KCNIP4: variants seen among roughly 807,000 people sequenced by gnomAD.
KCNIP4 encodes the protein Kv channel-interacting protein 4.
KCNIP4 carries 12 observed loss-of-function variants against 34.0 expected under a neutral mutation model. The ratio of observed to expected loss-of-function variants is 0.35; its 90% CI spans 0.23 to 0.57. The LOEUF (loss-of-function observed/expected upper bound fraction) is 0.57. Among genes scored for constraint, KCNIP4 ranks in the 20% least tolerant of loss-of-function variants. The probability of loss-of-function intolerance (pLI) is 0.83; values close to 1 mark genes in which losing one functional copy is unlikely to be tolerated. For synonymous variants in KCNIP4, 124 were observed against 102.2 expected, an observed-to-expected ratio of 1.21 and a Z score of -1.29; for missense variants, 238 against 311.7, an observed-to-expected ratio of 0.76 and a Z score of 1.78.
intron 1 of KCNIP4, among the ~76,000 whole-genome samples, chr4:21,739,747 G>C (rs79044278): frequency 6.6e-6 from 1 of 152,050 alleles, no homozygotes; most frequent in African/African-American, 2.4e-5. Context: ...TTGTCAGGTT[G>C]TCTTGAATAG....
chr4:21,175,020 A>C lies in KCNIP4; in HGVS notation c.62-292311T>G, dbSNP rs1445329360. Among the ~76,000 whole-genome samples, 3 of 152,028 alleles carry C rather than the reference A, an allele frequency of 2.0e-5. No individual in the cohort carries two copies. In the East Asian group the frequency reaches 5.8e-4, roughly 29 times the overall value. On this transcript the variant is annotated intron_variant, in intron 1 of 8. Transcript: ENST00000382152. ...TACAGATAAGGACACTGCATTGATG[A>C]GTCCTTAAGTAACTGGTGACCAAGA... is the stretch of plus-strand genomic sequence containing the variant.
chr4:21,288,417 AAG>A (rs1052911805), intron 1 of KCNIP4, among the ~76,000 whole-genome samples: 4 of 152,326 alleles, frequency 2.6e-5, no homozygotes, highest in African/African-American at 4.8e-5. Flanking sequence ...AGAACAAAAA[AAG>A]AGAGAGAAAA....
At chr4:21,842,251 A>T (rs1005597520) in intron 1 of KCNIP4, among the ~76,000 whole-genome samples, 1 of 152,142 alleles carries the variant, frequency 6.6e-6, no homozygotes, top group African/African-American at 2.4e-5. Flanking sequence ...TATGTCTCTG[A>T]CAAGAGGCTC....
intron 1 of KCNIP4, among the ~76,000 whole-genome samples, chr4:20,884,335 C>A (rs1725044328): frequency 6.6e-6 from 1 of 152,108 alleles, no homozygotes; most frequent in Non-Finnish European, 1.5e-5. Context: ...GTTTTAAGCT[C>A]CGCATGTATG....
At chr4:21,286,996 C>T in intron 1 of KCNIP4, among the ~76,000 whole-genome samples, 1 of 152,084 alleles carries the variant, frequency 6.6e-6, no homozygotes, top group Non-Finnish European at 1.5e-5. Context: ...TAAGATTCCT[C>T]AACACTTTTA....
intron 1 of KCNIP4, among the ~76,000 whole-genome samples, chr4:21,254,083 A>G (rs1410202642): frequency 6.6e-6 from 1 of 152,194 alleles, no homozygotes; most frequent in Non-Finnish European, 1.5e-5. Context: ...ATGAGTATAG[A>G]TTATCCCTTT....
At chr4:21,851,412 T>C (rs1724385839) in intron 1 of KCNIP4, 1 of 151,656 alleles carries the variant, frequency 6.6e-6, no homozygotes, top group African/African-American at 2.4e-5. Context: ...CTAAGAAGGG[T>C]TGGAGGTTGG....
chr4:21,671,101 G>C (rs1160063509), intron 1 of KCNIP4, among the ~76,000 whole-genome samples: 1 of 149,248 alleles, frequency 6.7e-6, no homozygotes, highest in Non-Finnish European at 1.5e-5. Flanking sequence ...ATTCAGAGTT[G>C]ACTGAGCACC....
rs958500625 is a variant in KCNIP4, at chr4:21,699,844, A to G, written c.61+248727T>C. 2.0e-5 allele frequency among the ~76,000 whole-genome samples: 3 copies of G among 152,130 alleles called. No homozygotes were observed. The South Asian group carries it at 6.2e-4, about 32-fold the overall frequency. On this transcript the variant is annotated intron_variant, in intron 1 of 8. Transcript: ENST00000382152. ...AGGGGACTTGTGTGATCTGCCTGCT[A>G]TGAAAAGGATGAACTGCCAGGGAGC... is the stretch of plus-strand genomic sequence containing the variant.
At chr4:21,628,167 A>G (rs567941189) in intron 1 of KCNIP4, among the ~76,000 whole-genome samples, 2 of 152,110 alleles carry the variant, frequency 1.3e-5, no homozygotes, top group Non-Finnish European at 2.9e-5. Context: ...GCTTTTTTAG[A>G]AAAAGATATT....
chr4:20,987,320 T>C (rs1736668607), intron 1 of KCNIP4, among the ~76,000 whole-genome samples: 1 of 152,188 alleles, frequency 6.6e-6, no homozygotes. Context: ...TTTGTTATAT[T>C]AAAACATCCT....
intron 1 of KCNIP4, among the ~76,000 whole-genome samples, chr4:21,351,781 C>G (rs1256909921): frequency 6.6e-6 from 1 of 152,158 alleles, no homozygotes; most frequent in East Asian, 1.9e-4. Flanking sequence ...CATCTACAAG[C>G]CAAGGACAAA....
chr4:20,865,885 T>A (rs1452704584), intron 2 of KCNIP4, among the ~76,000 whole-genome samples: 2 of 152,104 alleles, frequency 1.3e-5, no homozygotes, highest in Non-Finnish European at 2.9e-5. Context: ...ATAATGAACA[T>A]GTTAATTTGC....
chr4:21,146,045 T>C (rs775136579), intron 1 of KCNIP4, among the ~76,000 whole-genome samples: 1 of 152,182 alleles, frequency 6.6e-6, no homozygotes, highest in Non-Finnish European at 1.5e-5. Context: ...AAGTCTATCA[T>C]CGAAAATATT....
chr4:21,924,527 A>G (rs1375681948), intron 1 of KCNIP4, among the ~76,000 whole-genome samples: 1 of 152,022 alleles, frequency 6.6e-6, no homozygotes, highest in Non-Finnish European at 1.5e-5. Context: ...TACAGGTGTG[A>G]GCCACCGCGC....
chr4:21,620,332 T>C (rs1744915442), intron 1 of KCNIP4, among the ~76,000 whole-genome samples: 1 of 152,066 alleles, frequency 6.6e-6, no homozygotes, highest in Non-Finnish European at 1.5e-5. Context: ...CAAAACCCTG[T>C]CTCTACAAAA....
intron 1 of KCNIP4, among the ~76,000 whole-genome samples, chr4:20,941,767 G>A (rs1731663997): frequency 6.6e-6 from 1 of 152,168 alleles, no homozygotes; most frequent in Non-Finnish European, 1.5e-5. Flanking sequence ...ATCTTCCAGA[G>A]AGTGAGGAGG....
intron 2 of KCNIP4, among the ~76,000 whole-genome samples, chr4:20,872,180 G>T (rs530814706): frequency 6.6e-6 from 1 of 152,216 alleles, no homozygotes; most frequent in Non-Finnish European, 1.5e-5. Flanking sequence ...TGAAGAATAT[G>T]TCCACCTCTA....
chr4:21,726,983 A>G (rs1715241657), intron 1 of KCNIP4, among the ~76,000 whole-genome samples: 1 of 152,176 alleles, frequency 6.6e-6, no homozygotes, highest in African/African-American at 2.4e-5. Context: ...AGGGGAATCT[A>G]CATGTTTGGC....
Sources: gnomAD v4.1 joint callset for allele counts (sites outside exome capture counted in the v4.1 genomes callset) on GRCh38, gnomAD v4.1.1 for gene constraint, MANE v1.5 for transcripts, NCBI Gene and HGNC (gene_info 2026-07-23, HGNC 2026-07-21) for gene names.